Variants in PPP1R9A observed in about 807,000 individuals in gnomAD.
The protein encoded by PPP1R9A is protein phosphatase 1 regulatory subunit 9A.
PPP1R9A carries 59 observed loss-of-function variants against 141.9 expected under a neutral mutation model. The observed-to-expected ratio is 0.42, with a 90% CI of 0.34 to 0.52. The LOEUF (loss-of-function observed/expected upper bound fraction) is 0.52. PPP1R9A is among the 20% of genes least tolerant of loss of function. The probability of loss-of-function intolerance (pLI) is 0.10; values close to 1 mark genes in which losing one functional copy is unlikely to be tolerated. For synonymous variants in PPP1R9A, 500 were observed against 569.7 expected, an observed-to-expected ratio of 0.88 and a Z score of 1.74; for missense variants, 1,444 against 1,611.9, an observed-to-expected ratio of 0.90 and a Z score of 1.78.
chr7:95,275,847 T>C (rs1311570314), intron 16 of PPP1R9A, among the ~76,000 whole-genome samples: 1 of 152,138 alleles, frequency 6.6e-6, no homozygotes. Flanking sequence ...GAGAGAGAAT[T>C]CCCAAATTAA....
At chr7:95,161,821 A>T in intron 4 of PPP1R9A, 46 bp from the exon 5 acceptor site, 1 of 1,247,836 alleles carries the variant, frequency 8.0e-7, no homozygotes, top group Non-Finnish European at 1.1e-6. Flanking sequence ...TACATAAATT[A>T]ATTTTTTATG....
At chr7:95,251,674 T>A (rs1798892210) in intron 10 of PPP1R9A, 88 bp from the exon 11 acceptor site, 1 of 1,219,900 alleles carries the variant, frequency 8.2e-7, no homozygotes. Context: ...GTTCAGTTGC[T>A]TATCCTACTA....
intron 12 of PPP1R9A, among the ~76,000 whole-genome samples, chr7:95,261,441 C>T (rs1208780903): frequency 6.6e-6 from 1 of 151,948 alleles, no homozygotes; most frequent in Non-Finnish European, 1.5e-5. Flanking sequence ...GGAATAAATC[C>T]ACTTACAAGG....
At chr7:95,288,395 C>A in intron 18 of PPP1R9A, 141 bp from the exon 19 acceptor site, 1 of 1,183,170 alleles carries the variant, frequency 8.5e-7, no homozygotes, top group Non-Finnish European at 1.1e-6. Context: ...TTTTTTCTAA[C>A]ACCACTAGAA....
chr7:95,249,399 G>C (rs1585454504), intron 9 of PPP1R9A, among the ~76,000 whole-genome samples: 1 of 152,106 alleles, frequency 6.6e-6, no homozygotes. Context: ...ATGTTTATCA[G>C]ATGATTCTTA....
At chr7:95,102,759 A>G (rs1463693700) in intron 2 of PPP1R9A, among the ~76,000 whole-genome samples, 1 of 152,162 alleles carries the variant, frequency 6.6e-6, no homozygotes, top group African/African-American at 2.4e-5. Context: ...TCTTATTTCT[A>G]CTTACTTGTA....
chr7:95,136,543 A>G (rs576899224), intron 4 of PPP1R9A, among the ~76,000 whole-genome samples: 1 of 152,240 alleles, frequency 6.6e-6, no homozygotes, highest in South Asian at 2.1e-4. Context: ...TGTTTTCTAG[A>G]TAGTCTGAGA....
chr7:95,030,168 G>A (rs1189409009), intron 2 of PPP1R9A, among the ~76,000 whole-genome samples: 1 of 152,146 alleles, frequency 6.6e-6, no homozygotes, highest in Non-Finnish European at 1.5e-5. Flanking sequence ...GTAATATTGG[G>A]CAAATGTCTG....
At chr7:95,186,323 T>C (rs1487797353) in intron 5 of PPP1R9A, among the ~76,000 whole-genome samples, 1 of 152,152 alleles carries the variant, frequency 6.6e-6, no homozygotes, top group Non-Finnish European at 1.5e-5. Context: ...GCTTGGTCGA[T>C]ATTGGTGTAC....
intron 14 of PPP1R9A, among the ~76,000 whole-genome samples, chr7:95,270,681 A>G (rs1367634350): frequency 6.6e-6 from 1 of 152,188 alleles, no homozygotes; most frequent in Admixed American, 6.6e-5. Context: ...CCCGAGGCTT[A>G]CATAGCACTG....
At chr7:94,948,655 A>G (rs1426444820) in intron 2 of PPP1R9A, among the ~76,000 whole-genome samples, 1 of 152,164 alleles carries the variant, frequency 6.6e-6, no homozygotes, top group Non-Finnish European at 1.5e-5. Context: ...TCCAAGTTAC[A>G]TGGTTAGTCC....
intron 12 of PPP1R9A, among the ~76,000 whole-genome samples, chr7:95,258,958 G>A (rs1369134557): frequency 6.6e-6 from 1 of 152,156 alleles, no homozygotes; most frequent in Non-Finnish European, 1.5e-5. Flanking sequence ...AGAAACTCTT[G>A]TCAGTGTATA....
intron 8 of PPP1R9A, among the ~76,000 whole-genome samples, chr7:95,246,691 A>C (rs1380201165): frequency 6.6e-6 from 1 of 152,180 alleles, no homozygotes; most frequent in African/African-American, 2.4e-5. Flanking sequence ...TTGTGAACCC[A>C]TAAGTTGTTT....
At chr7:95,060,403 G>A (rs1812076466) in intron 2 of PPP1R9A, among the ~76,000 whole-genome samples, 1 of 152,146 alleles carries the variant, frequency 6.6e-6, no homozygotes, top group Non-Finnish European at 1.5e-5. Context: ...GTACAGGTTA[G>A]GATTTGAACT....
At chr7:95,057,133 CT>C (rs995491068) in intron 2 of PPP1R9A, among the ~76,000 whole-genome samples, 13 of 152,010 alleles carry the variant, frequency 8.6e-5, no homozygotes, top group Non-Finnish European at 1.6e-4. Flanking sequence ...GTTGAGTTGT[CT>C]TTTTTTCCTT....
intron 2 of PPP1R9A, among the ~76,000 whole-genome samples, chr7:95,063,435 C>T (rs1812521045): frequency 6.6e-6 from 1 of 152,080 alleles, no homozygotes; most frequent in Non-Finnish European, 1.5e-5. Flanking sequence ...TGTGGCAGCA[C>T]ATGCCTGTTA....
chr7:94,998,769 TTTTG>T (rs1802499655), intron 2 of PPP1R9A, among the ~76,000 whole-genome samples: 1 of 152,216 alleles, frequency 6.6e-6, no homozygotes, highest in South Asian at 2.1e-4. Context: ...CTTGGTGTTT[TTTTG>T]TTTGTTTTTG....
chr7:95,133,505 C>T (rs1439089191), intron 4 of PPP1R9A, among the ~76,000 whole-genome samples: 2 of 91,882 alleles, frequency 2.2e-5, no homozygotes, highest in African/African-American at 7.9e-5. Context: ...ATATATTATG[C>T]AGTCGTATTA....
In PPP1R9A at chr7:95,054,848, G is replaced by A. The variant is rs901452433; in HGVS notation, c.1396-56411G>A. ...GTTTCTTCATAAAATGGAAAGTGGG[G>A]ACTGTGTTGATCTCATTCATTACCC... On this transcript the variant is annotated intron_variant, in intron 2 of 19. Transcript: ENST00000433360. 3.3e-5 allele frequency among the ~76,000 whole-genome samples: 5 copies of A among 152,224 alleles called. No individual in the cohort carries two copies. In the South Asian group the frequency reaches 1.0e-3, roughly 32 times the overall value.
Sources: allele counts gnomAD v4.1 joint callset (sites outside exome capture counted in the v4.1 genomes callset), GRCh38; gene constraint gnomAD v4.1.1; transcripts MANE v1.5; gene names NCBI Gene and HGNC (gene_info 2026-07-23, HGNC 2026-07-21).